Variants in CCT5 observed in about 807,000 individuals in gnomAD.
CCT5 encodes the protein T-complex protein 1 subunit epsilon.
A neutral mutation model predicts 55.0 loss-of-function variants in CCT5; 6 were observed. That is an observed-to-expected ratio of 0.11 (90% CI 0.06 to 0.22). The LOEUF (loss-of-function observed/expected upper bound fraction) is 0.22. Ranked by LOEUF, CCT5 falls within the 10% of genes least tolerant of loss-of-function variation. The probability of loss-of-function intolerance (pLI) is 1.00; values close to 1 mark genes in which losing one functional copy is unlikely to be tolerated. For missense variants in CCT5, 560 were observed against 694.6 expected (o/e 0.81, Z 2.18); for synonymous variants, 231 against 243.7 (o/e 0.95, Z 0.49).
At position 10,254,213 on chromosome 5, in the gene CCT5, T is replaced by C; in HGVS notation, c.166+8T>C. 1.9e-6 allele frequency: 3 copies of C among 1,560,892 alleles called. No individual in the cohort carries two copies. The South Asian group carries it at 3.3e-5, about 17-fold the overall frequency. On this transcript the variant is annotated splice_region_variant and intron_variant, in intron 2 of 10. Transcript: ENST00000280326. ...CATCACTTGGACCAAATGGTAAGAGTCCACCATTCCGTGTTTTTTAGCAAA... is the reference window on the plus strand; with the variant it reads ...CATCACTTGGACCAAATGGTAAGAGCCCACCATTCCGTGTTTTTTAGCAAA...
rs1745663625 is a variant in CCT5 at position 10,256,118 on chromosome 5, G to A, written c.495G>A (p.Leu165=). ...TTGACATAAAGGACACCGAACCCCTGATTCAGACAGCAAAAACCACGCTGG... is the reference window on the plus strand; with the variant it reads ...TTGACATAAAGGACACCGAACCCCTAATTCAGACAGCAAAAACCACGCTGG... ...VLVDIKDTEP[L]IQTAKTTLGS... The change falls in exon 4 of 11, where the codon CTG becomes CTA. Residue 165 remains leucine, a synonymous_variant. Coordinates refer to ENST00000280326, the MANE Select transcript of CCT5 (RefSeq NM_012073.5). 1 of 1,613,774 alleles carries A rather than the reference G, an allele frequency of 6.2e-7. No individual in the cohort carries two copies. Among genetic ancestry groups the A allele is most frequent in the Non-Finnish European group, 8.5e-7 (1 of 1,179,846 alleles).
rs1745588608 is a variant in CCT5, at chr5:10,254,684, G to A, written c.177G>A (p.Lys59=). 1 of 1,613,812 alleles carries A rather than the reference G, an allele frequency of 6.2e-7. No individual in the cohort carries two copies. The highest frequency in any genetic ancestry group is 8.5e-7 in the Non-Finnish European group (1 of 1,179,884). The change falls in exon 3 of 11, where the codon AAG becomes AAA. Residue 59 remains lysine, a synonymous_variant. Coordinates refer to ENST00000280326, the MANE Select transcript of CCT5 (RefSeq NM_012073.5). ...AACGTTGTTTTTTAGGGCTTGATAAGATGATGGTGGATAAGGATGGAGATG... is the reference window on the plus strand; with the variant it reads ...AACGTTGTTTTTTAGGGCTTGATAAAATGATGGTGGATAAGGATGGAGATG... ...RTSLGPNGLD[K]MMVDKDGDVT... is the part of the protein sequence containing the mutation.
rs1267123750 is a variant in CCT5, at chr5:10,251,241, A to C, written c.105+796A>C. Among the ~76,000 whole-genome samples, 4 of 152,224 alleles carry C rather than the reference A, an allele frequency of 2.6e-5. No individual in the cohort carries two copies. The South Asian group carries it at 8.3e-4, about 32-fold the overall frequency. On this transcript the variant is annotated intron_variant, in intron 1 of 10. Transcript: ENST00000280326. ...AGCTATTGAATGCCCAACATGGAAA[A>C]TACGACGTTATCTTTGGGGAAGAAG... is the stretch of plus-strand genomic sequence containing the variant.
At chr5:10,253,328 CA>C (rs11443315) in intron 1 of CCT5, among the ~76,000 whole-genome samples, 2 of 147,708 alleles carry the variant, frequency 1.4e-5, no homozygotes, top group Non-Finnish European at 3.0e-5. Flanking sequence ...AAGACTGTCT[CA>C]AAAAAAAAAA....
chr5:10,252,738 A>ATAATATGT (rs1561043804), intron 1 of CCT5, among the ~76,000 whole-genome samples: 1 of 152,154 alleles, frequency 6.6e-6, no homozygotes, highest in Admixed American at 6.5e-5. Flanking sequence ...TGTTTTATCC[A>ATAATATGT]TAATATGTAT....
chr5:10,263,059 C>G, intron 9 of CCT5, 75 bp from the exon 10 acceptor site: 1 of 1,191,788 alleles, frequency 8.4e-7, no homozygotes, highest in African/African-American at 1.5e-5. Flanking sequence ...GTATGTGATA[C>G]AGTTGTGTTT....
At chr5:10,251,741 T>G (rs983425142) in intron 1 of CCT5, among the ~76,000 whole-genome samples, 6 of 152,198 alleles carry the variant, frequency 3.9e-5, no homozygotes, top group African/African-American at 1.4e-4. Context: ...CACTCAGTAT[T>G]TGTTTCCTTT....
intron 9 of CCT5, 37 bp from the exon 10 acceptor site, chr5:10,263,097 C>G: frequency 6.3e-7 from 1 of 1,594,094 alleles, no homozygotes; most frequent in Non-Finnish European, 8.6e-7. Context: ...TGTTTTGTTT[C>G]GCCAAGTGCA....
At chr5:10,259,608 C>T (rs1745855098) in intron 6 of CCT5, among the ~76,000 whole-genome samples, 2 of 152,222 alleles carry the variant, frequency 1.3e-5, no homozygotes, top group Admixed American at 1.3e-4. Context: ...AGCAGTGCCC[C>T]TGGGGGAGGA....
chr5:10,258,338 G>C (rs1267778134), intron 5 of CCT5, 35 bp downstream of exon 5: 3 of 1,613,882 alleles, frequency 1.9e-6, no homozygotes, highest in African/African-American at 1.3e-5. Context: ...CGCACTGTTG[G>C]TTAACTCTTA....
chr5:10,258,547 C>T lies in CCT5; in HGVS notation c.873+12C>T. Reference sequence around the variant, plus strand: ...AGATGATTCAACAAGTAAGTCTTACCAGAGTCCTCAGTGGAATTTAAACTC... The same window carrying T: ...AGATGATTCAACAAGTAAGTCTTACTAGAGTCCTCAGTGGAATTTAAACTC... On this transcript the variant is annotated intron_variant, in intron 6 of 10. Coordinates refer to ENST00000280326, the MANE Select transcript of CCT5 (RefSeq NM_012073.5). 6.2e-7 allele frequency: 1 copy of T among 1,609,666 alleles called. No individual in the cohort carries two copies.
rs148676976 is a variant in CCT5 at position 10,256,782 on chromosome 5, T to TG, written c.530+634dup. 7.2e-3 allele frequency among the ~76,000 whole-genome samples: 1,101 copies of TG among 152,232 alleles called. 21 individuals are homozygous for TG. The highest frequency in any genetic ancestry group is 0.025 in the African/African-American group (1,047 of 41,542). On this transcript the variant is annotated intron_variant, in intron 4 of 10. Transcript: ENST00000280326. ...TATAATTTCTTTGCTGGGGAGCCAT[T>TG]GGGGGTGGGTTCCACTTTTTATTCA... is the stretch of plus-strand genomic sequence containing the variant.
At chr5:10,252,572 G>C (rs942630797) in intron 1 of CCT5, among the ~76,000 whole-genome samples, 50 of 142,026 alleles carry the variant, frequency 3.5e-4, no homozygotes, top group African/African-American at 1.3e-3. Flanking sequence ...CCGAGATCAC[G>C]CCACTGCACT....
At position 10,260,764 on chromosome 5, in the gene CCT5, A is replaced by G. The variant is rs376141448; in HGVS notation, c.874-28A>G. 5 of 1,611,674 alleles carry G rather than the reference A, an allele frequency of 3.1e-6. No homozygotes were observed. The African/African-American group carries it at 6.7e-5, about 22-fold the overall frequency. ...GAAGAATAAATACCCACTTTCTCTT[A>G]ATACGATTGTGGTGGTTCTTTTCCC... On this transcript the variant is annotated intron_variant, in intron 6 of 10. Transcript: ENST00000280326.
At chr5:10,262,346 A>G in intron 8 of CCT5, 135 bp from the exon 9 acceptor site, 2 of 966,944 alleles carry the variant, frequency 2.1e-6, no homozygotes, top group South Asian at 2.7e-5. Flanking sequence ...AGCTAGAAAG[A>G]TAAATATTAT....
At chr5:10,261,388 T>G (rs1745952731) in intron 7 of CCT5, among the ~76,000 whole-genome samples, 172 bp from the exon 8 acceptor site, 1 of 152,210 alleles carries the variant, frequency 6.6e-6, no homozygotes, top group Admixed American at 6.5e-5. Context: ...CTCAAGAGCC[T>G]TGTTACCTAG....
rs2662533 is a variant in CCT5, at chr5:10,265,166, A to G, written c.*383A>G. 0.77 allele frequency: 178,927 copies of G among 233,888 alleles called. 71,227 individuals are homozygous for G. The highest frequency in any genetic ancestry group is 0.87 in the East Asian group (7,376 of 8,460). 14.5% of individuals were successfully genotyped at this position (233,888 alleles called of 1,614,324 possible). On this transcript the variant is annotated 3_prime_UTR_variant, in exon 11 of 11. Transcript: ENST00000280326. Reference sequence around the variant, plus strand: ...ACAGGAGCTCTCAAGATGCACTTTCATATTGAGAGGAATATGGGCTTGATC... The same window carrying G: ...ACAGGAGCTCTCAAGATGCACTTTCGTATTGAGAGGAATATGGGCTTGATC...
chr5:10,252,824 G>A (rs963958338), intron 1 of CCT5, among the ~76,000 whole-genome samples: 1 of 152,006 alleles, frequency 6.6e-6, no homozygotes, highest in Non-Finnish European at 1.5e-5. Context: ...TTTTTTCCAC[G>A]TTGCCGAGCA....
intron 10 of CCT5, among the ~76,000 whole-genome samples, chr5:10,263,882 C>T (rs1212001970): frequency 6.6e-6 from 1 of 152,216 alleles, no homozygotes; most frequent in East Asian, 1.9e-4. Context: ...GTACATTCTG[C>T]TTTCCATGCT....
Sources: allele counts gnomAD v4.1 joint callset (sites outside exome capture counted in the v4.1 genomes callset), GRCh38; gene constraint gnomAD v4.1.1; transcripts MANE v1.5; gene names NCBI Gene and HGNC (gene_info 2026-07-23, HGNC 2026-07-21).